Variants in XPNPEP1 observed in about 807,000 individuals in gnomAD.
XPNPEP1 encodes X-prolyl aminopeptidase 1.
A neutral mutation model predicts 92.4 loss-of-function variants in XPNPEP1; 39 were observed. The observed-to-expected ratio is 0.42, with a 90% CI of 0.33 to 0.55. XPNPEP1 has a LOEUF of 0.55. Among genes scored for constraint, XPNPEP1 ranks in the 20% least tolerant of loss-of-function variants. XPNPEP1 has a pLI of 0.08. For missense variants in XPNPEP1, 654 were observed against 856.1 expected (o/e 0.76, Z 2.95); for synonymous variants, 307 against 299.4 (o/e 1.03, Z -0.26).
chr10:109,870,899 G>A lies in XPNPEP1; in HGVS notation c.1528C>T (p.Leu510Phe), dbSNP rs1458816597. ...AVFPTGTKGH[L>F]LDSFARSALW... is the part of the protein sequence containing the mutation. Reference sequence around the variant, plus strand: ...GCTGAACGGGCAAAGGAGTCAAGAAGGTGACCTGAAAGACATAAAGAGCCA... The same window carrying A: ...GCTGAACGGGCAAAGGAGTCAAGAAAGTGACCTGAAAGACATAAAGAGCCA... The change falls in exon 18 of 21, where the codon CTT becomes TTT. Residue 510 changes from leucine (L) to phenylalanine (F), a missense_variant. Transcript: ENST00000502935. 2 of 1,613,306 alleles carry A rather than the reference G, an allele frequency of 1.2e-6. No homozygotes were observed. Among genetic ancestry groups the A allele is most frequent in the South Asian group, 1.1e-5 (1 of 90,900 alleles).
intron 20 of XPNPEP1, 141 bp from the exon 21 acceptor site, chr10:109,865,453 A>G (rs1847085548): frequency 1.8e-6 from 2 of 1,123,162 alleles, no homozygotes; most frequent in South Asian, 1.5e-5. Flanking sequence ...CCTTACTCAC[A>G]GGTAAGTATT....
chr10:109,898,087 T>A (rs370104212), intron 3 of XPNPEP1, among the ~76,000 whole-genome samples: 7 of 152,348 alleles, frequency 4.6e-5, no homozygotes, highest in Admixed American at 1.3e-4. Flanking sequence ...ACGAGGTGTA[T>A]GCTGCACTTA....
intron 3 of XPNPEP1, among the ~76,000 whole-genome samples, chr10:109,899,454 C>T (rs1218969034): frequency 6.6e-6 from 1 of 152,168 alleles, no homozygotes; most frequent in Non-Finnish European, 1.5e-5. Flanking sequence ...CCCCCACCAA[C>T]CAGGAACACC....
chr10:109,901,499 C>T (rs1358369051), intron 3 of XPNPEP1, among the ~76,000 whole-genome samples: 2 of 152,126 alleles, frequency 1.3e-5, no homozygotes, highest in African/African-American at 4.8e-5. Context: ...AATTTAAATC[C>T]TACTTTCTCC....
In XPNPEP1 at chr10:109,884,157, G is replaced by C. The variant is rs373372063; in HGVS notation, c.749-9C>G. On this transcript the variant is annotated splice_polypyrimidine_tract_variant and intron_variant, in intron 8 of 20. Coordinates refer to ENST00000502935, the MANE Select transcript of XPNPEP1 (RefSeq NM_020383.4). ...TCGGAGATTAAATAGCCCTAGAAAAGAAATCAAAATCCCTGTCACCTGTCT... is the reference window on the plus strand; with the variant it reads ...TCGGAGATTAAATAGCCCTAGAAAACAAATCAAAATCCCTGTCACCTGTCT... 9 of 1,612,950 alleles carry C rather than the reference G, an allele frequency of 5.6e-6. No homozygotes were observed. The highest frequency in any genetic ancestry group is 7.6e-6 in the Non-Finnish European group (9 of 1,179,520).
intron 8 of XPNPEP1, among the ~76,000 whole-genome samples, chr10:109,885,971 G>A (rs1378102338): frequency 6.6e-6 from 1 of 152,184 alleles, no homozygotes; most frequent in African/African-American, 2.4e-5. Context: ...TGTAGGAAAT[G>A]CCCTTCCTCA....
chr10:109,881,348 G>A (rs1374073849), intron 10 of XPNPEP1, among the ~76,000 whole-genome samples: 2 of 152,180 alleles, frequency 1.3e-5, no homozygotes, highest in African/African-American at 2.4e-5. Context: ...GACCTGATGA[G>A]TGAGGTCTCC....
At chr10:109,897,702 G>A (rs1410167936) in intron 3 of XPNPEP1, among the ~76,000 whole-genome samples, 1 of 150,676 alleles carries the variant, frequency 6.6e-6, no homozygotes, top group Non-Finnish European at 1.5e-5. Flanking sequence ...CGCCTGGGCT[G>A]GAGTGCAGTG....
At chr10:109,917,427 T>G (rs1339398528) in intron 1 of XPNPEP1, among the ~76,000 whole-genome samples, 2 of 152,038 alleles carry the variant, frequency 1.3e-5, no homozygotes, top group Non-Finnish European at 2.9e-5. Flanking sequence ...ACAAAAGAAG[T>G]GCAAAATGTA....
chr10:109,923,481 G>A lies in XPNPEP1; in HGVS notation c.-48C>T. ...CACGTCAGGGGAGCGCAGACCAGCT[G>A]ATCACCCGCGGAAGGGCCGGCGCGA... On this transcript the variant is annotated 5_prime_UTR_variant, in exon 1 of 21. Transcript: ENST00000502935. The A allele has an allele frequency of 7.4e-7, 1 of 1,358,382 alleles. No individual in the cohort carries two copies. The highest frequency in any genetic ancestry group is 1.5e-5 in the South Asian group (1 of 64,884). 84.1% of individuals were successfully genotyped at this position (1,358,382 alleles called of 1,614,324 possible).
At chr10:109,883,120 T>C (rs776719861) in intron 9 of XPNPEP1, among the ~76,000 whole-genome samples, 1 of 152,224 alleles carries the variant, frequency 6.6e-6, no homozygotes, top group African/African-American at 2.4e-5. Flanking sequence ...CCACTATTCT[T>C]GTTCAGAAAA....
intron 3 of XPNPEP1, among the ~76,000 whole-genome samples, chr10:109,898,090 T>C (rs1889301): frequency 0.16 from 23,787 of 152,186 alleles, 2,346 homozygotes; most frequent in Non-Finnish European, 0.22. Flanking sequence ...AGGTGTATGC[T>C]GCACTTACCT....
chr10:109,892,973 C>CA (rs1470065260), intron 4 of XPNPEP1, 39 bp downstream of exon 4: 1 of 1,604,500 alleles, frequency 6.2e-7, no homozygotes, highest in Admixed American at 1.7e-5. Flanking sequence ...AGGAGGCGAA[C>CA]AAAGGTGCAG....
Position 109,867,866 on chromosome 10 carries a change from GT to G in XPNPEP1, c.1872+747del, listed in dbSNP as rs2133342310. On this transcript the variant is annotated intron_variant, in intron 20 of 20. Transcript: ENST00000502935. The surrounding 1 kb of genome is among the most constrained non-coding windows in gnomAD (Gnocchi z 4.5). ...CTTCCAGCTTCCTGGTTTGGGAACT[GT>G]TTTGTCTGTCTAGTGCTAACAGTTC... is the stretch of plus-strand genomic sequence containing the variant. 6.6e-6 allele frequency among the ~76,000 whole-genome samples: 1 copy of G among 152,324 alleles called. No homozygotes were observed. Among genetic ancestry groups the G allele is most frequent in the East Asian group, 1.9e-4 (1 of 5,178 alleles).
intron 11 of XPNPEP1, 104 bp downstream of exon 11, chr10:109,880,738 A>C: frequency 5.3e-6 from 6 of 1,123,216 alleles, no homozygotes; most frequent in Non-Finnish European, 7.7e-6. Flanking sequence ...TGAGGCTCAG[A>C]GAGATTCTAA....
intron 3 of XPNPEP1, among the ~76,000 whole-genome samples, chr10:109,903,345 A>G (rs116956866): frequency 1.4e-4 from 22 of 152,224 alleles, no homozygotes; most frequent in Non-Finnish European, 2.8e-4. Context: ...CTGAGGCTCC[A>G]TGACGACCTG....
intron 16 of XPNPEP1, among the ~76,000 whole-genome samples, chr10:109,872,677 T>C (rs1251386899): frequency 1.3e-5 from 2 of 152,240 alleles, no homozygotes; most frequent in South Asian, 2.1e-4. Context: ...GGAGCTCTCT[T>C]GGACAAACAG....
rs1377303695 is a variant in XPNPEP1, at chr10:109,923,401, C to T, written c.32+1G>A. On this transcript the variant is annotated splice_donor_variant, in intron 1 of 20. Transcript: ENST00000502935. LOFTEE classifies it high-confidence loss of function. ...GCCGGCTGCCGGCGGAGTGCCCTCA[C>T]CTTACTCGCGGTGGCTTTCTGGAGG... 2 of 1,440,900 alleles carry T rather than the reference C, an allele frequency of 1.4e-6. No homozygotes were observed. The highest frequency in any genetic ancestry group is 1.8e-6 in the Non-Finnish European group (2 of 1,097,080). 89.3% of individuals were successfully genotyped at this position (1,440,900 alleles called of 1,614,324 possible).
At position 109,871,990 on chromosome 10, in the gene XPNPEP1, GA is replaced by G. The variant is rs540737990; in HGVS notation, c.1453-130del. The G allele has an allele frequency of 3.2e-4, 291 of 898,860 alleles. 3 individuals are homozygous for G. In the South Asian group the frequency reaches 5.3e-3, roughly 16 times the overall value. The allele number at this position is 898,860 out of a possible 1,614,324, so 55.7% of individuals were successfully genotyped here. ...ATCATAGAGAAAATGTAAGTAAAAA[GA>G]AAAAAATCTGGTGGAAAAAAAGCCT... On this transcript the variant is annotated intron_variant, in intron 16 of 20. Transcript: ENST00000502935.
Sources: allele counts gnomAD v4.1 joint callset (sites outside exome capture counted in the v4.1 genomes callset), GRCh38; gene constraint gnomAD v4.1.1; non-coding constraint Gnocchi (gnomAD v3.1); transcripts MANE v1.5; gene names NCBI Gene and HGNC (gene_info 2026-07-23, HGNC 2026-07-21).